PCDH11X: variants seen among roughly 807,000 people sequenced by gnomAD.
PCDH11X encodes protocadherin 11 X-linked.
In PCDH11X, 18 loss-of-function variants were observed where a neutral mutation model predicts 53.3. The observed-to-expected ratio is 0.34, with a 90% CI of 0.23 to 0.50. The LOEUF is 0.50. PCDH11X is among the 20% of genes least tolerant of loss of function. The pLI is 0.98. For synonymous variants in PCDH11X, 279 were observed against 393.3 expected (o/e 0.71, Z 3.44); for missense variants, 570 against 1,032.4 (o/e 0.55, Z 6.14).
chrX:92,427,708 T>A (rs6619026), intron 9 of PCDH11X, among the ~76,000 whole-genome samples: 7,412 of 50,588 alleles, frequency 0.15, 1,001 homozygotes, highest in East Asian at 0.54. Context: ...GGAAAATATT[T>A]TTCTGAAAAC....
chrX:91,972,104 C>A (rs2061969103), intron 6 of PCDH11X, among the ~76,000 whole-genome samples: 1 of 107,090 alleles, frequency 9.3e-6, no homozygotes, highest in Admixed American at 1.0e-4. Flanking sequence ...TCCTCTCCAG[C>A]ACCTGTTGTT....
chrX:92,267,339 G>A (rs1371998698), intron 8 of PCDH11X, among the ~76,000 whole-genome samples: 20 of 112,125 alleles, frequency 1.8e-4, no homozygotes, highest in African/African-American at 3.2e-4. Context: ...GAGATTCTCC[G>A]AGGAGTATAT....
chrX:92,015,554 G>A (rs1470347175), intron 6 of PCDH11X, among the ~76,000 whole-genome samples: 13 of 112,227 alleles, frequency 1.2e-4, no homozygotes, highest in Non-Finnish European at 2.1e-4. Context: ...AATGTTCACC[G>A]CATCTTCACC....
chrX:92,277,100 G>A (rs1275461401), intron 8 of PCDH11X, among the ~76,000 whole-genome samples: 2 of 110,121 alleles, frequency 1.8e-5, no homozygotes, highest in Non-Finnish European at 3.8e-5. Flanking sequence ...GGCGAGGAGG[G>A]GAGAGGTCAG....
chrX:91,981,002 A>AAT (rs1247003635), intron 6 of PCDH11X, among the ~76,000 whole-genome samples: 35 of 98,278 alleles, frequency 3.6e-4, no homozygotes, highest in African/African-American at 5.2e-4. Flanking sequence ...ATATACACTG[A>AAT]ATATATATAT....
intron 6 of PCDH11X, among the ~76,000 whole-genome samples, chrX:91,996,026 A>G (rs987478224): frequency 3.8e-5 from 4 of 105,701 alleles, no homozygotes; most frequent in Non-Finnish European, 7.7e-5. Context: ...ATTTTTTAGT[A>G]GAGACGGGGT....
intron 9 of PCDH11X, among the ~76,000 whole-genome samples, chrX:92,462,351 T>C (rs1478155589): frequency 2.7e-5 from 3 of 110,785 alleles, no homozygotes; most frequent in Non-Finnish European, 5.7e-5. Context: ...TGCATTAAAA[T>C]CATGCAAAGG....
intron 6 of PCDH11X, among the ~76,000 whole-genome samples, chrX:92,120,263 C>G (rs1161880292): frequency 9.5e-6 from 1 of 105,778 alleles, no homozygotes; most frequent in African/African-American, 3.4e-5. Context: ...TGGGTTCAAG[C>G]AGTTCTCTGC....
chrX:92,426,075 G>T (rs1191516370), intron 9 of PCDH11X, among the ~76,000 whole-genome samples: 1 of 94,309 alleles, frequency 1.1e-5, no homozygotes, highest in East Asian at 3.4e-4. Context: ...GGGGAGCAGA[G>T]AAATTGTATG....
At chrX:92,198,864 A>T (rs2148319261) in intron 6 of PCDH11X, among the ~76,000 whole-genome samples, 1 of 111,567 alleles carries the variant, frequency 9.0e-6, no homozygotes, top group African/African-American at 3.2e-5. Flanking sequence ...GACAAAAAAA[A>T]TTGGAATTAA....
intron 7 of PCDH11X, among the ~76,000 whole-genome samples, chrX:92,205,169 T>C (rs1023767628): frequency 8.9e-6 from 1 of 111,876 alleles, no homozygotes; most frequent in Non-Finnish European, 1.9e-5. Context: ...AGCTTGGCAG[T>C]TGGAAGCAAA....
At chrX:92,263,238 G>C in intron 8 of PCDH11X, 95 bp downstream of exon 8, 2 of 718,375 alleles carry the variant, frequency 2.8e-6, no homozygotes, top group Non-Finnish European at 4.0e-6. Context: ...AAAACTGTAA[G>C]TACTTAGGAT....
chrX:92,365,513 A>T (rs1313782929), intron 8 of PCDH11X, among the ~76,000 whole-genome samples: 5 of 110,372 alleles, frequency 4.5e-5, no homozygotes, highest in Non-Finnish European at 7.6e-5. Flanking sequence ...AAGTGCTGGG[A>T]TTACAGGTGT....
intron 8 of PCDH11X, among the ~76,000 whole-genome samples, chrX:92,264,880 A>ATTTTTT (rs36145079): frequency 3.9e-4 from 34 of 87,748 alleles, no homozygotes; most frequent in South Asian, 1.3e-3. Flanking sequence ...GTGAAGGACA[A>ATTTTTT]TTTTTTTTTT....
At chrX:92,613,345 G>A (rs942241287) in intron 10 of PCDH11X, among the ~76,000 whole-genome samples, 2 of 110,506 alleles carry the variant, frequency 1.8e-5, no homozygotes, top group African/African-American at 6.6e-5. Context: ...TTTCTCCTTT[G>A]CCTATGGAAC....
At chrX:92,239,158 CTTAAATA>C (rs752702842) in intron 7 of PCDH11X, among the ~76,000 whole-genome samples, 1 of 111,358 alleles carries the variant, frequency 9.0e-6, no homozygotes, top group Non-Finnish European at 1.9e-5. Flanking sequence ...TGAATCACTC[CTTAAATA>C]TTGACTCAAG....
chrX:92,178,747 G>T (rs1484120827), intron 6 of PCDH11X, among the ~76,000 whole-genome samples: 1 of 111,493 alleles, frequency 9.0e-6, no homozygotes, highest in African/African-American at 3.2e-5. Context: ...AGTTTGAAAA[G>T]TTTTCACCTA....
intron 9 of PCDH11X, among the ~76,000 whole-genome samples, chrX:92,419,718 C>T (rs1297443720): frequency 2.7e-5 from 2 of 74,898 alleles, no homozygotes; most frequent in Non-Finnish European, 4.6e-5. Context: ...CTCGCTCTGT[C>T]GCCCAGGCTG....
chrX:92,225,437 G>A (rs2066952832), intron 7 of PCDH11X, among the ~76,000 whole-genome samples: 1 of 110,968 alleles, frequency 9.0e-6, no homozygotes, highest in African/African-American at 3.3e-5. Context: ...AATAATAAAG[G>A]CCTTGACTTC....
Sources: allele counts gnomAD v4.1 joint callset (sites outside exome capture counted in the v4.1 genomes callset), GRCh38; gene constraint gnomAD v4.1.1; transcripts MANE v1.5; gene names NCBI Gene and HGNC (gene_info 2026-07-23, HGNC 2026-07-21).